Variants in GABRA3 observed in about 807,000 individuals in gnomAD.
The protein encoded by GABRA3 is gamma-aminobutyric acid receptor subunit alpha-3.
A neutral mutation model predicts 30.1 loss-of-function variants in GABRA3; 10 were observed. That is an observed-to-expected ratio of 0.33 (90% CI 0.20 to 0.56). The LOEUF is 0.56. Among genes scored for constraint, GABRA3 ranks in the 20% least tolerant of loss-of-function variants. The probability of loss-of-function intolerance (pLI) is 0.89; values close to 1 mark genes in which losing one functional copy is unlikely to be tolerated. For missense variants in GABRA3, 233 were observed against 392.0 expected (o/e 0.59, Z 3.42); for synonymous variants, 151 against 146.8 (o/e 1.03, Z -0.21).
At chrX:152,289,264 G>GCTC (rs770120037) in intron 3 of GABRA3, among the ~76,000 whole-genome samples, 1 of 109,257 alleles carries the variant, frequency 9.2e-6, no homozygotes, top group South Asian at 3.9e-4. Context: ...ATTTCTAGCT[G>GCTC]CTCCACCCCA....
At chrX:152,173,760 G>A (rs191282704) in intron 9 of GABRA3, among the ~76,000 whole-genome samples, 7 of 110,212 alleles carry the variant, frequency 6.4e-5, no homozygotes, top group African/African-American at 1.3e-4. Flanking sequence ...ATGAGCCACC[G>A]CGCCTGGCTA....
At chrX:152,295,427 C>T (rs1325185124) in intron 3 of GABRA3, among the ~76,000 whole-genome samples, 1 of 113,132 alleles carries the variant, frequency 8.8e-6, no homozygotes, top group African/African-American at 3.2e-5. Context: ...CCCTGCCAGG[C>T]TGTTGCCTCA....
chrX:152,298,485 TG>T (rs1161833652), intron 3 of GABRA3, among the ~76,000 whole-genome samples: 2 of 109,094 alleles, frequency 1.8e-5, no homozygotes, highest in Admixed American at 2.0e-4. Context: ...TTTGGTTTTT[TG>T]TCCTTGCGAT....
At chrX:152,270,684 G>A (rs374100200) in intron 4 of GABRA3, among the ~76,000 whole-genome samples, 12 of 109,863 alleles carry the variant, frequency 1.1e-4, no homozygotes, top group African/African-American at 4.0e-4. Flanking sequence ...GTGAAACCCC[G>A]TCTCTACTAA....
rs764059507 is a variant in GABRA3 at position 152,375,548 on chromosome X, G to A, written c.-26-10952C>T. Among the ~76,000 whole-genome samples, 7 of 112,004 alleles carry A rather than the reference G, an allele frequency of 6.2e-5. No homozygotes were observed. The South Asian group carries it at 2.2e-3, about 36-fold the overall frequency. On this transcript the variant is annotated intron_variant, in intron 1 of 9. Coordinates refer to ENST00000370314, the MANE Select transcript of GABRA3 (RefSeq NM_000808.4). ...TCACCCAGGCTCTTGGACTTGCCTA[G>A]TGTTACTTCCTTTCATTTCAAGGCT...
chrX:152,427,535 C>T (rs1281651003), intron 1 of GABRA3, among the ~76,000 whole-genome samples: 1 of 111,935 alleles, frequency 8.9e-6, no homozygotes, highest in Non-Finnish European at 1.9e-5. Context: ...CTGTCATGTT[C>T]CCCACTAACC....
At chrX:152,369,730 G>A (rs1406612419) in intron 1 of GABRA3, among the ~76,000 whole-genome samples, 1 of 110,961 alleles carries the variant, frequency 9.0e-6, no homozygotes, top group African/African-American at 3.3e-5. Flanking sequence ...TTCTTCCTTT[G>A]TGTCTAAAAG....
chrX:152,242,042 T>C (rs1284125524), intron 5 of GABRA3, among the ~76,000 whole-genome samples: 2 of 111,643 alleles, frequency 1.8e-5, no homozygotes, highest in African/African-American at 3.3e-5. Flanking sequence ...TTGATTTCTA[T>C]AGTACTCAAA....
intron 6 of GABRA3, among the ~76,000 whole-genome samples, chrX:152,224,035 T>A (rs930912331): frequency 8.1e-5 from 9 of 111,471 alleles, no homozygotes; most frequent in African/African-American, 2.9e-4. Context: ...AGGAAACATG[T>A]TGCACTTAAT....
intron 3 of GABRA3, among the ~76,000 whole-genome samples, chrX:152,340,102 T>C (rs768238737): frequency 1.8e-5 from 2 of 112,299 alleles, no homozygotes; most frequent in Non-Finnish European, 3.8e-5. Context: ...TGTTAGCTTT[T>C]CCTCTTTTTC....
intron 1 of GABRA3, among the ~76,000 whole-genome samples, chrX:152,371,287 G>C (rs1285013709): frequency 9.0e-6 from 1 of 111,277 alleles, no homozygotes; most frequent in Non-Finnish European, 1.9e-5. Flanking sequence ...CAGAATCTCT[G>C]CAAATAGCTT....
intron 2 of GABRA3, among the ~76,000 whole-genome samples, chrX:152,361,781 C>T (rs1294543772): frequency 1.8e-5 from 2 of 109,771 alleles, no homozygotes; most frequent in African/African-American, 6.6e-5. Context: ...GGCATGCAAC[C>T]GTGAATTTTC....
chrX:152,364,265 T>C (rs1277402666), intron 2 of GABRA3, among the ~76,000 whole-genome samples, 166 bp downstream of exon 2: 1 of 111,715 alleles, frequency 9.0e-6, no homozygotes, highest in Non-Finnish European at 1.9e-5. Context: ...GAGATCTCTT[T>C]CTACTTTGAG....
At chrX:152,387,243 C>T (rs1929347454) in intron 1 of GABRA3, among the ~76,000 whole-genome samples, 1 of 109,614 alleles carries the variant, frequency 9.1e-6, no homozygotes, top group African/African-American at 3.3e-5. Flanking sequence ...CACATGTGTA[C>T]ATGTGTAACT....
intron 3 of GABRA3, among the ~76,000 whole-genome samples, chrX:152,298,672 C>T (rs776455599): frequency 2.7e-4 from 30 of 110,899 alleles, no homozygotes; most frequent in Admixed American, 2.7e-3. Context: ...GTGAATAGTG[C>T]CGTAATAAAC....
At chrX:152,251,063 T>C (rs1177447399) in intron 5 of GABRA3, 2 of 301,802 alleles carry the variant, frequency 6.6e-6, no homozygotes, top group Middle Eastern at 4.8e-4. Flanking sequence ...GCTTTTATTT[T>C]TCCATTTTGA....
chrX:152,328,651 C>G (rs1030112274), intron 3 of GABRA3, among the ~76,000 whole-genome samples: 12 of 111,536 alleles, frequency 1.1e-4, no homozygotes, highest in Admixed American at 6.7e-4. Flanking sequence ...ATTCAACAGC[C>G]CTTCATGCTA....
chrX:152,226,747 G>T (rs1282095496), intron 5 of GABRA3, among the ~76,000 whole-genome samples: 3 of 111,870 alleles, frequency 2.7e-5, no homozygotes, highest in Non-Finnish European at 5.6e-5. Flanking sequence ...CTTCTCAAAA[G>T]AAGACATTTA....
At chrX:152,189,614 C>A in intron 9 of GABRA3, 116 bp downstream of exon 9, 1 of 518,548 alleles carries the variant, frequency 1.9e-6, no homozygotes, top group Non-Finnish European at 3.2e-6. Context: ...GGATTGATGA[C>A]CCCAGTGCAT....
Sources: gnomAD v4.1 joint callset for allele counts (sites outside exome capture counted in the v4.1 genomes callset) on GRCh38, gnomAD v4.1.1 for gene constraint, MANE v1.5 for transcripts, NCBI Gene and HGNC (gene_info 2026-07-23, HGNC 2026-07-21) for gene names.